Variants in RALGPS1 observed in about 807,000 individuals in gnomAD.
RALGPS1 encodes the protein ras-specific guanine nucleotide-releasing factor RalGPS1.
Under a neutral mutation model 78.8 loss-of-function variants are expected in RALGPS1, and 19 were observed. That is an observed-to-expected ratio of 0.24 (90% CI 0.17 to 0.35). RALGPS1 has a LOEUF of 0.35. Among genes scored for constraint, RALGPS1 ranks in the 10% least tolerant of loss-of-function variants. The probability of loss-of-function intolerance (pLI) is 1.00; values close to 1 mark genes in which losing one functional copy is unlikely to be tolerated. For synonymous variants in RALGPS1, 228 were observed against 256.3 expected (o/e 0.89, Z 1.06); for missense variants, 454 against 688.3 (o/e 0.66, Z 3.81).
At chr9:127,130,067 G>A (rs959470024) in intron 8 of RALGPS1, among the ~76,000 whole-genome samples, 3 of 152,202 alleles carry the variant, frequency 2.0e-5, no homozygotes, top group African/African-American at 4.8e-5. Context: ...GAGGACACGT[G>A]TGTCACCAGC....
At chr9:126,940,634 G>A (rs889500405) in intron 1 of RALGPS1, among the ~76,000 whole-genome samples, 2 of 151,976 alleles carry the variant, frequency 1.3e-5, no homozygotes, top group South Asian at 4.2e-4. Flanking sequence ...GTAGAGGTGG[G>A]GTTTTGTCGT....
At chr9:127,067,278 TC>T in intron 7 of RALGPS1, among the ~76,000 whole-genome samples, 1 of 152,278 alleles carries the variant, frequency 6.6e-6, no homozygotes, top group African/African-American at 2.4e-5. Context: ...TGTCCTGAAT[TC>T]CCTAGTGGGA....
chr9:127,091,758 C>T lies in RALGPS1; in HGVS notation c.610+22402C>T. The T allele has an allele frequency of 6.2e-7, 1 of 1,614,180 alleles. No homozygotes were observed. The highest frequency in any genetic ancestry group is 1.1e-5 in the South Asian group (1 of 91,082). On this transcript the variant is annotated intron_variant, in intron 8 of 18. Coordinates refer to ENST00000259351, the MANE Select transcript of RALGPS1 (RefSeq NM_014636.3). This position sits in a 1 kb window ranked among gnomAD's most constrained non-coding sequence, Gnocchi z 4.3. Reference sequence around the variant, plus strand: ...AGTCACCCGCATTGCCATGGTAGCGCCCCAGCCGCAGCTTATAATACTCGC... The same window carrying T: ...AGTCACCCGCATTGCCATGGTAGCGTCCCAGCCGCAGCTTATAATACTCGC...
chr9:126,963,643 T>C (rs1030801142), intron 2 of RALGPS1, among the ~76,000 whole-genome samples: 2 of 152,212 alleles, frequency 1.3e-5, no homozygotes, highest in African/African-American at 2.4e-5. Context: ...CACTGTCTAA[T>C]TTAATATTCA....
intron 8 of RALGPS1, among the ~76,000 whole-genome samples, chr9:127,102,537 A>G (rs960243654): frequency 1.6e-4 from 24 of 152,170 alleles, no homozygotes; most frequent in Non-Finnish European, 2.6e-4. Context: ...GATTTTTTTA[A>G]CAGTAACAAG....
intron 8 of RALGPS1, among the ~76,000 whole-genome samples, chr9:127,110,363 C>T (rs549396777): frequency 5.9e-5 from 9 of 152,300 alleles, no homozygotes; most frequent in African/African-American, 9.6e-5. Flanking sequence ...CCTGTCTTGC[C>T]GGCTGTTCCT....
At chr9:127,082,242 G>T (rs914480526) in intron 8 of RALGPS1, among the ~76,000 whole-genome samples, 1 of 152,336 alleles carries the variant, frequency 6.6e-6, no homozygotes, top group East Asian at 1.9e-4. Flanking sequence ...AGCAAAGCAG[G>T]GGGGCTGATG....
chr9:127,072,957 TGATA>T (rs2050333499), intron 8 of RALGPS1, among the ~76,000 whole-genome samples: 1 of 152,246 alleles, frequency 6.6e-6, no homozygotes, highest in Admixed American at 6.5e-5. Context: ...TTATTTGTAT[TGATA>T]GATAATATTT....
intron 1 of RALGPS1, among the ~76,000 whole-genome samples, chr9:126,919,782 T>G (rs1325249769): frequency 6.6e-6 from 1 of 152,228 alleles, no homozygotes; most frequent in East Asian, 1.9e-4. Context: ...GGAGAATACC[T>G]AAAGTCCTTG....
chr9:126,958,145 AT>A (rs1356986130), intron 1 of RALGPS1, among the ~76,000 whole-genome samples: 8 of 112,538 alleles, frequency 7.1e-5, no homozygotes, highest in Non-Finnish European at 1.2e-4. Flanking sequence ...AAAAAAAAAT[AT>A]ATATATATAT....
At chr9:127,052,261 G>T (rs1041377351) in intron 6 of RALGPS1, among the ~76,000 whole-genome samples, 1 of 152,142 alleles carries the variant, frequency 6.6e-6, no homozygotes, top group Non-Finnish European at 1.5e-5. Flanking sequence ...CAGAGCAGTC[G>T]CATTTTTCTG....
At chr9:126,979,651 G>C (rs1433785349) in intron 4 of RALGPS1, among the ~76,000 whole-genome samples, 1 of 152,196 alleles carries the variant, frequency 6.6e-6, no homozygotes, top group Non-Finnish European at 1.5e-5. Context: ...GCGGGTGGGG[G>C]CTTCTTCCTC....
intron 5 of RALGPS1, among the ~76,000 whole-genome samples, chr9:127,042,358 A>G (rs543970316): frequency 6.6e-6 from 1 of 152,322 alleles, no homozygotes; most frequent in African/African-American, 2.4e-5. Flanking sequence ...TGGCTCCTTC[A>G]GCAATTGGAA....
At chr9:127,174,818 T>G in intron 11 of RALGPS1, 36 bp downstream of exon 11, 1 of 1,583,242 alleles carries the variant, frequency 6.3e-7, no homozygotes, top group Non-Finnish European at 8.7e-7. Context: ...CAAACCCACT[T>G]AATAGCCTAA....
At chr9:127,090,522 C>G (rs1378801654) in intron 8 of RALGPS1, among the ~76,000 whole-genome samples, 1 of 152,214 alleles carries the variant, frequency 6.6e-6, no homozygotes, top group African/African-American at 2.4e-5. Context: ...TCCCTCCTGT[C>G]CCCTGATGTT....
intron 8 of RALGPS1, among the ~76,000 whole-genome samples, chr9:127,144,372 A>G (rs1403986987): frequency 2.0e-5 from 3 of 152,192 alleles, no homozygotes; most frequent in Non-Finnish European, 4.4e-5. Flanking sequence ...ATGATTTTAG[A>G]TGGCATGGTA....
intron 8 of RALGPS1, among the ~76,000 whole-genome samples, chr9:127,156,463 C>T (rs1489205836): frequency 2.6e-5 from 4 of 152,080 alleles, no homozygotes; most frequent in Admixed American, 2.6e-4. Context: ...TTTTTAAGAA[C>T]TTTGTCAGTA....
intron 8 of RALGPS1, among the ~76,000 whole-genome samples, chr9:127,128,343 G>A (rs764043801): frequency 2.6e-5 from 4 of 152,164 alleles, no homozygotes; most frequent in Admixed American, 1.3e-4. Context: ...TTGTTTTAAG[G>A]TCTCTGACCA....
chr9:127,146,384 G>T (rs1006885792), intron 8 of RALGPS1, among the ~76,000 whole-genome samples: 3 of 152,200 alleles, frequency 2.0e-5, no homozygotes, highest in Non-Finnish European at 4.4e-5. Flanking sequence ...TATCCGTGTT[G>T]CTTTGAAGGA....
Sources: gnomAD v4.1 joint callset for allele counts (sites outside exome capture counted in the v4.1 genomes callset) on GRCh38, gnomAD v4.1.1 for gene constraint, Gnocchi (gnomAD v3.1) non-coding constraint, MANE v1.5 for transcripts, NCBI Gene and HGNC (gene_info 2026-07-23, HGNC 2026-07-21) for gene names.